Variants in EGFR observed in about 807,000 individuals in gnomAD.
EGFR encodes the protein epidermal growth factor receptor, also known as avian erythroblastic leukemia viral (v-erb-b) oncogene homolog.
A neutral mutation model predicts 143.0 loss-of-function variants in EGFR; 58 were observed. The ratio of observed to expected loss-of-function variants is 0.41; its 90% CI spans 0.33 to 0.50. The LOEUF (loss-of-function observed/expected upper bound fraction) is 0.50, where lower values mean the gene tolerates loss of function less well. Ranked by LOEUF, EGFR falls within the 20% of genes least tolerant of loss-of-function variation. The pLI is 0.39. For synonymous variants in EGFR, 613 were observed against 594.4 expected (o/e 1.03, Z -0.45); for missense variants, 1,307 against 1,579.0 (o/e 0.83, Z 2.92).
chr7:55,066,212 A>ATGTC (rs1480313705), intron 1 of EGFR, among the ~76,000 whole-genome samples: 1 of 152,194 alleles, frequency 6.6e-6, no homozygotes, highest in Non-Finnish European at 1.5e-5. Context: ...ACATTTCTGA[A>ATGTC]AACTACAGCC....
chr7:55,019,732 TG>T (rs1786417919), intron 1 of EGFR, among the ~76,000 whole-genome samples: 1 of 152,006 alleles, frequency 6.6e-6, no homozygotes, highest in Non-Finnish European at 1.5e-5. Context: ...GGTGGGCGCC[TG>T]GGGCCGGGGT....
chr7:55,111,628 A>G (rs1792494101), intron 1 of EGFR, among the ~76,000 whole-genome samples: 1 of 152,166 alleles, frequency 6.6e-6, no homozygotes, highest in Admixed American at 6.5e-5. Flanking sequence ...GCAAGCTGGC[A>G]TTGGCTCGGG....
At chr7:55,086,422 G>A (rs183158896) in intron 1 of EGFR, among the ~76,000 whole-genome samples, 20 of 152,364 alleles carry the variant, frequency 1.3e-4, no homozygotes, top group Admixed American at 1.2e-3. Context: ...AAATGAAGCT[G>A]TGGCTTTTCT....
At chr7:55,091,006 C>G (rs1293443720) in intron 1 of EGFR, among the ~76,000 whole-genome samples, 1 of 152,224 alleles carries the variant, frequency 6.6e-6, no homozygotes, top group Admixed American at 6.5e-5. Context: ...CTCCGGGGGT[C>G]AGGCACTGTG....
In EGFR at chr7:55,205,570, G is replaced by A. The variant is rs1379387764; in HGVS notation, c.3586G>A (p.Glu1196Lys). 6.2e-7 allele frequency: 1 copy of A among 1,614,190 alleles called. No homozygotes were observed. The highest frequency in any genetic ancestry group is 8.5e-7 in the Non-Finnish European group (1 of 1,180,042). ...IFKGSTAENA[E>K]YLRVAPQSSE... The stretch of plus-strand genomic sequence containing the variant: ...TAAGGGCTCCACAGCTGAAAATGCA[G>A]AATACCTAAGGGTCGCGCCACAAAG... Residue 1196 changes from glutamate to lysine, a missense_variant, in exon 28 of 28, where the codon GAA becomes AAA. Around this residue, in one of 7 missense-constraint regions of EGFR, gnomAD observed 313 missense variants for 312.3 expected, o/e 1.00. Transcript: ENST00000275493.
rs907359197 is a variant in EGFR at position 55,201,716 on chromosome 7, T to C, written c.3115-19T>C. 3.1e-6 allele frequency: 5 copies of C among 1,614,202 alleles called. No homozygotes were observed. Among genetic ancestry groups the C allele is most frequent in the Non-Finnish European group, 3.4e-6 (4 of 1,180,016 alleles). Reference sequence around the variant, plus strand: ...GTGGTACAAGCATTCCATGGGCAACTTCTCTGTTTCTTTTTCAGAGTGCAA... The same window carrying C: ...GTGGTACAAGCATTCCATGGGCAACCTCTCTGTTTCTTTTTCAGAGTGCAA... On this transcript the variant is annotated intron_variant, in intron 25 of 27. Coordinates refer to ENST00000275493, the MANE Select transcript of EGFR (RefSeq NM_005228.5).
At chr7:55,107,408 C>A (rs924376695) in intron 1 of EGFR, among the ~76,000 whole-genome samples, 34 of 152,030 alleles carry the variant, frequency 2.2e-4, no homozygotes, top group Admixed American at 1.5e-3. Flanking sequence ...TTCCATTTTT[C>A]TTTTTTTGTT....
At chr7:55,040,204 G>T (rs1281389926) in intron 1 of EGFR, among the ~76,000 whole-genome samples, 1 of 152,250 alleles carries the variant, frequency 6.6e-6, no homozygotes, top group Middle Eastern at 3.4e-3. Flanking sequence ...TCAGAAGGAG[G>T]ATCCCCCACC....
chr7:55,158,936 C>T (rs1465801477), intron 11 of EGFR, among the ~76,000 whole-genome samples: 3 of 152,232 alleles, frequency 2.0e-5, no homozygotes, highest in African/African-American at 7.2e-5. Context: ...GAGGAGAAGC[C>T]TCTGGATGAT....
intron 1 of EGFR, among the ~76,000 whole-genome samples, chr7:55,060,399 G>A (rs192874388): frequency 2.0e-5 from 3 of 152,234 alleles, no homozygotes; most frequent in Admixed American, 6.5e-5. Context: ...CTGGATTCTT[G>A]TGGTAAATTT....
intron 1 of EGFR, among the ~76,000 whole-genome samples, chr7:55,135,370 T>C (rs1290672324): frequency 6.6e-6 from 1 of 151,976 alleles, no homozygotes; most frequent in Non-Finnish European, 1.5e-5. Context: ...ATAATGTACA[T>C]GGAAGATTGT....
At chr7:55,060,195 A>T (rs1789086213) in intron 1 of EGFR, among the ~76,000 whole-genome samples, 1 of 152,238 alleles carries the variant, frequency 6.6e-6, no homozygotes, top group Non-Finnish European at 1.5e-5. Context: ...ATATGCATTT[A>T]ACTGCCAAAT....
At chr7:55,157,422 G>C (rs992794884) in intron 10 of EGFR, among the ~76,000 whole-genome samples, 1 of 152,260 alleles carries the variant, frequency 6.6e-6, no homozygotes, top group Non-Finnish European at 1.5e-5. Context: ...CACAGCCAGG[G>C]GGGCGGCGGG....
At chr7:55,128,295 AG>A (rs1793645678) in intron 1 of EGFR, among the ~76,000 whole-genome samples, 1 of 152,256 alleles carries the variant, frequency 6.6e-6, no homozygotes, top group South Asian at 2.1e-4. Context: ...AAATTCAAAT[AG>A]TTTATTACTG....
At chr7:55,168,494 T>C (rs761556337) in intron 15 of EGFR, 48 of 1,309,162 alleles carry the variant, frequency 3.7e-5, no homozygotes, top group Non-Finnish European at 1.7e-5. Flanking sequence ...TAGTGGTCAT[T>C]TTTCTAATGT....
chr7:55,137,579 C>T (rs1794215505), intron 1 of EGFR, among the ~76,000 whole-genome samples: 1 of 152,068 alleles, frequency 6.6e-6, no homozygotes, highest in Non-Finnish European at 1.5e-5. Flanking sequence ...AAAATAATAA[C>T]GAGACCACCG....
rs1788058743 is a variant in EGFR at position 55,205,152 on chromosome 7, A to G, written c.3272-104A>G. 10 of 1,538,512 alleles carry G rather than the reference A, an allele frequency of 6.5e-6. No homozygotes were observed. In the East Asian group the frequency reaches 1.4e-4, roughly 22 times the overall value. ...CCTCCCGAGGCTCCTGCTCCCTGTCATAAGTCTCCTTGTTGAGGACATTCA... is the reference window on the plus strand; with the variant it reads ...CCTCCCGAGGCTCCTGCTCCCTGTCGTAAGTCTCCTTGTTGAGGACATTCA... On this transcript the variant is annotated intron_variant, in intron 27 of 27. Transcript: ENST00000275493.
Position 55,206,951 on chromosome 7 carries a change from ACATTT to A in EGFR, c.*1335_*1339del, listed in dbSNP as rs1202662964. On this transcript the variant is annotated 3_prime_UTR_variant, in exon 28 of 28. Transcript: ENST00000275493. ...GTTTGAAATTGATAATGCTTTCACA[ACATTT>A]GCAGATGTTTTAGAAGGAAAAAAGT... 1.3e-5 allele frequency: 3 copies of A among 233,230 alleles called. No homozygotes were observed. Among genetic ancestry groups the A allele is most frequent in the Non-Finnish European group, 2.5e-5 (3 of 118,012 alleles). 14.4% of individuals were successfully genotyped at this position (233,230 alleles called of 1,614,324 possible).
intron 1 of EGFR, among the ~76,000 whole-genome samples, chr7:55,105,688 C>T (rs1170130082): frequency 6.6e-6 from 1 of 152,164 alleles, no homozygotes; most frequent in Non-Finnish European, 1.5e-5. Context: ...TGACAACATC[C>T]AGGGTGAATC....
Sources: gnomAD v4.1 joint callset for allele counts (sites outside exome capture counted in the v4.1 genomes callset) on GRCh38, gnomAD v4.1.1 for gene constraint, gnomAD v4.1.1 regional missense constraint, MANE v1.5 for transcripts, NCBI Gene and HGNC (gene_info 2026-07-23, HGNC 2026-07-21) for gene names.